Variants in ANO10 observed in about 807,000 individuals in gnomAD.
ANO10 encodes anoctamin-10.
In ANO10, 77 loss-of-function variants were observed where a neutral mutation model predicts 74.7. The observed-to-expected ratio is 1.03, with a 90% CI of 0.86 to 1.25. ANO10 has a LOEUF of 1.25. Ranked by LOEUF, ANO10 falls within the 50% of genes most tolerant of loss-of-function variation. ANO10 has a pLI of 0.00. For missense variants in ANO10, 721 were observed against 778.1 expected, an observed-to-expected ratio of 0.93 and a Z score of 0.87; for synonymous variants, 279 against 284.9, an observed-to-expected ratio of 0.98 and a Z score of 0.21.
intron 4 of ANO10, among the ~76,000 whole-genome samples, chr3:43,595,907 A>G (rs2082059920): frequency 6.6e-6 from 1 of 152,226 alleles, no homozygotes; most frequent in Non-Finnish European, 1.5e-5. Flanking sequence ...AAGCAACTTC[A>G]GCAAAGTCTC....
intron 11 of ANO10, among the ~76,000 whole-genome samples, chr3:43,518,272 T>G (rs1304794943): frequency 1.3e-5 from 2 of 152,182 alleles, no homozygotes; most frequent in African/African-American, 4.8e-5. Context: ...TCTCTGAACA[T>G]AAATTGTGGA....
intron 12 of ANO10, among the ~76,000 whole-genome samples, chr3:43,370,779 A>G (rs2091581226): frequency 6.6e-6 from 1 of 152,226 alleles, no homozygotes; most frequent in South Asian, 2.1e-4. Flanking sequence ...AATTTTTTGC[A>G]TCATTATTAG....
At chr3:43,622,183 C>G (rs895021890), upstream of ANO10, 1 of 152,398 alleles carries the variant, frequency 6.6e-6, no homozygotes, top group Non-Finnish European at 1.5e-5. Context: ...TCGTAGTGGA[C>G]GAGAACCTAG....
At chr3:43,650,788 GTC>G (rs1575579212) in intron 1 of ANO10, among the ~76,000 whole-genome samples, 1 of 152,084 alleles carries the variant, frequency 6.6e-6, no homozygotes, top group East Asian at 1.9e-4. Context: ...AAAATTTCCT[GTC>G]TGATAAATTG....
chr3:43,585,054 A>G (rs1312328767), intron 4 of ANO10, among the ~76,000 whole-genome samples: 1 of 152,174 alleles, frequency 6.6e-6, no homozygotes, highest in African/African-American at 2.4e-5. Flanking sequence ...AGTTACTCTA[A>G]GTTTTATTAG....
At chr3:43,387,497 C>T (rs1333143389) in intron 12 of ANO10, among the ~76,000 whole-genome samples, 1 of 152,142 alleles carries the variant, frequency 6.6e-6, no homozygotes, top group African/African-American at 2.4e-5. Flanking sequence ...GTGGCAGAGG[C>T]CCTACACGCA....
intron 1 of ANO10, among the ~76,000 whole-genome samples, chr3:43,609,542 C>T (rs913320314): frequency 1.3e-5 from 2 of 152,216 alleles, no homozygotes; most frequent in Non-Finnish European, 2.9e-5. Context: ...CAACCATTTA[C>T]GGTCATACAT....
At chr3:43,438,061 G>A (rs754844719) in intron 11 of ANO10, among the ~76,000 whole-genome samples, 2 of 152,006 alleles carry the variant, frequency 1.3e-5, no homozygotes, top group African/African-American at 2.4e-5. Flanking sequence ...TGCATGAACA[G>A]AAAGAGAATA....
At chr3:43,561,193 G>A (rs1376092607) in intron 9 of ANO10, 27 bp downstream of exon 9, 1 of 1,610,822 alleles carries the variant, frequency 6.2e-7, no homozygotes, top group Non-Finnish European at 8.5e-7. Flanking sequence ...CTCAGTAAAT[G>A]TTTAATTCAG....
intron 12 of ANO10, among the ~76,000 whole-genome samples, chr3:43,405,576 C>T (rs780366395): frequency 3.9e-5 from 6 of 152,140 alleles, no homozygotes; most frequent in South Asian, 2.1e-4. Context: ...GCCATGCTTT[C>T]CCAGGCTCAA....
intron 12 of ANO10, among the ~76,000 whole-genome samples, chr3:43,369,042 C>A (rs1452798041): frequency 8.0e-6 from 1 of 125,712 alleles, no homozygotes; most frequent in Non-Finnish European, 1.8e-5. Flanking sequence ...CTGGGAGGGG[C>A]CCCCTGCTCC....
chr3:43,450,950 G>A (rs1481034191), intron 11 of ANO10, among the ~76,000 whole-genome samples: 3 of 152,042 alleles, frequency 2.0e-5, no homozygotes, highest in Non-Finnish European at 4.4e-5. Flanking sequence ...TTTTTCTGTT[G>A]CTTAGGCTTT....
At chr3:43,659,731 C>T (rs2083899487) in intron 1 of ANO10, among the ~76,000 whole-genome samples, 2 of 152,184 alleles carry the variant, frequency 1.3e-5, no homozygotes, top group South Asian at 4.1e-4. Flanking sequence ...AGTGGTTCTC[C>T]CATCATGGTG....
chr3:43,498,356 C>T (rs2076986486), intron 11 of ANO10, among the ~76,000 whole-genome samples: 1 of 152,200 alleles, frequency 6.6e-6, no homozygotes, highest in Admixed American at 6.5e-5. Flanking sequence ...AACTGCCCTC[C>T]ACCCCTGCAA....
intron 1 of ANO10, among the ~76,000 whole-genome samples, chr3:43,666,113 C>A (rs1298956432): frequency 6.6e-6 from 1 of 152,054 alleles, no homozygotes; most frequent in Non-Finnish European, 1.5e-5. Flanking sequence ...TTAATTCAAA[C>A]CCTGATTTGT....
At chr3:43,522,890 G>C (rs928885296) in intron 11 of ANO10, among the ~76,000 whole-genome samples, 1 of 152,076 alleles carries the variant, frequency 6.6e-6, no homozygotes, top group Non-Finnish European at 1.5e-5. Context: ...CTGCCTCTTG[G>C]GGTCCAAAAG....
intron 11 of ANO10, among the ~76,000 whole-genome samples, chr3:43,538,458 G>A (rs1270742555): frequency 2.6e-5 from 4 of 152,122 alleles, no homozygotes; most frequent in South Asian, 2.1e-4. Context: ...TTTTTAAAAC[G>A]GAAATAAAAC....
At position 43,648,600 on chromosome 3, in the gene ANO10, G is replaced by A. The variant is rs62253030; in HGVS notation, c.-11-42737C>T. On this transcript the variant is annotated intron_variant, in intron 1 of 3. Transcript: ENST00000413397. Reference sequence around the variant, plus strand: ...CTTGTAAACTGTCATGGTGCTGGTGGGAGTGTAGCGGTGAGGGTGATCGAT... The same window carrying A: ...CTTGTAAACTGTCATGGTGCTGGTGAGAGTGTAGCGGTGAGGGTGATCGAT... Among the ~76,000 whole-genome samples the A allele has an allele frequency of 8.9e-4, 135 of 151,878 alleles. 1 individual carries two copies. Among genetic ancestry groups the A allele is most frequent in the Non-Finnish European group, 1.6e-3 (107 of 67,992 alleles).
chr3:43,518,267 G>A (rs1455794717), intron 11 of ANO10, among the ~76,000 whole-genome samples: 2 of 152,070 alleles, frequency 1.3e-5, no homozygotes, highest in Non-Finnish European at 2.9e-5. Flanking sequence ...TACAATCTCT[G>A]AACATAAATT....
Sources: allele counts gnomAD v4.1 joint callset (sites outside exome capture counted in the v4.1 genomes callset), GRCh38; gene constraint gnomAD v4.1.1; transcripts MANE v1.5; gene names NCBI Gene and HGNC (gene_info 2026-07-23, HGNC 2026-07-21).